Variants in IGSF11 observed in about 807,000 individuals in gnomAD.
The protein encoded by IGSF11 is CXADR like 1.
Under a neutral mutation model 41.0 loss-of-function variants are expected in IGSF11, and 22 were observed. That is an observed-to-expected ratio of 0.54 (90% CI 0.38 to 0.77). The LOEUF (loss-of-function observed/expected upper bound fraction) is 0.77. IGSF11 is among the 30% of genes least tolerant of loss of function. The probability of loss-of-function intolerance (pLI) is 0.00; values close to 1 mark genes in which losing one functional copy is unlikely to be tolerated. For synonymous variants in IGSF11, 219 were observed against 201.3 expected (o/e 1.09, Z -0.74); for missense variants, 444 against 530.8 (o/e 0.84, Z 1.61).
At chr3:118,921,411 G>A (rs1300201369) in intron 4 of IGSF11, among the ~76,000 whole-genome samples, 1 of 151,940 alleles carries the variant, frequency 6.6e-6, no homozygotes, top group Non-Finnish European at 1.5e-5. Context: ...TAAAAATAGA[G>A]GAAAGGCACA....
chr3:118,935,575 CA>C (rs926426726), intron 1 of IGSF11, among the ~76,000 whole-genome samples: 1 of 151,564 alleles, frequency 6.6e-6, no homozygotes, highest in African/African-American at 2.4e-5. Flanking sequence ...ATAAATGAGT[CA>C]GGGGTGAAAG....
chr3:119,038,693 A>C (rs1043942597), upstream of IGSF11, among the ~76,000 whole-genome samples: 1 of 152,188 alleles, frequency 6.6e-6, no homozygotes, highest in African/African-American at 2.4e-5. Flanking sequence ...CATTTTTATA[A>C]GGAATATAAT....
At chr3:118,967,734 TTGAA>T (rs1347576336) in intron 1 of IGSF11, among the ~76,000 whole-genome samples, 1 of 152,234 alleles carries the variant, frequency 6.6e-6, no homozygotes, top group African/African-American at 2.4e-5. Context: ...TCTGCACTTA[TTGAA>T]ACATGTCAAG....
chr3:119,005,453 G>A (rs1263158293), intron 1 of IGSF11, among the ~76,000 whole-genome samples: 2 of 150,552 alleles, frequency 1.3e-5, no homozygotes, highest in African/African-American at 2.5e-5. Context: ...GGAGCATTTA[G>A]TCCATTTACA....
chr3:118,927,012 G>A (rs750351751), intron 3 of IGSF11, among the ~76,000 whole-genome samples: 18 of 152,000 alleles, frequency 1.2e-4, no homozygotes, highest in Non-Finnish European at 2.1e-4. Context: ...TGACTTTTCA[G>A]TAAATATGTT....
In IGSF11 at chr3:118,900,738, T is replaced by C. The variant is rs879173845; in HGVS notation, c.*1782A>G. The C allele has an allele frequency of 2.0e-5, 3 of 152,630 alleles. No homozygotes were observed. The highest frequency in any genetic ancestry group is 2.1e-4 in the South Asian group (1 of 4,832). 9.5% of individuals were successfully genotyped at this position (152,630 alleles called of 1,614,324 possible). A position where few individuals can be genotyped will look rare whatever the true frequency, so the allele number is the denominator to read the frequency against. On this transcript the variant is annotated 3_prime_UTR_variant, in exon 7 of 7. Coordinates refer to ENST00000393775, the MANE Select transcript of IGSF11 (RefSeq NM_001015887.3). ...TGATAGCATCATCTTTTCAGTGTCATGGTATTTTCACTTTTCTTTATAAAA... is the reference window on the plus strand; with the variant it reads ...TGATAGCATCATCTTTTCAGTGTCACGGTATTTTCACTTTTCTTTATAAAA...
chr3:118,930,058 C>T, intron 2 of IGSF11, 54 bp downstream of exon 2: 3 of 1,538,116 alleles, frequency 2.0e-6, no homozygotes, highest in South Asian at 1.2e-5. Flanking sequence ...TCCCTACCAA[C>T]CTCCTCTGAA....
At position 118,909,765 on chromosome 3, in the gene IGSF11, T is replaced by C. The variant is rs185998709; in HGVS notation, c.581-4047A>G. 1.2e-4 allele frequency among the ~76,000 whole-genome samples: 18 copies of C among 152,378 alleles called. No homozygotes were observed. The East Asian group carries it at 3.5e-3, about 29-fold the overall frequency. On this transcript the variant is annotated intron_variant, in intron 4 of 6. Coordinates refer to ENST00000393775, the MANE Select transcript of IGSF11 (RefSeq NM_001015887.3). ...GGTTTGGCATTGAAACAGATATTGC[T>C]TTTGCCAAATCAGATTTTAGATTCA...
intron 1 of IGSF11, among the ~76,000 whole-genome samples, chr3:118,951,942 G>A (rs952548581): frequency 2.6e-5 from 4 of 151,824 alleles, no homozygotes; most frequent in African/African-American, 9.7e-5. Flanking sequence ...CACAAATATG[G>A]AGGACTGACT....
At chr3:119,003,485 C>T (rs1937122986) in intron 1 of IGSF11, among the ~76,000 whole-genome samples, 1 of 150,896 alleles carries the variant, frequency 6.6e-6, no homozygotes, top group African/African-American at 2.5e-5. Context: ...TGCCTGATTG[C>T]CCTGGCCAGA....
At chr3:118,918,795 C>T (rs1337773589) in intron 4 of IGSF11, among the ~76,000 whole-genome samples, 22 of 142,022 alleles carry the variant, frequency 1.5e-4, no homozygotes, top group South Asian at 7.4e-4. Context: ...GAGCCCGCAT[C>T]GCCAAGTCAA....
chr3:119,113,008 G>A (rs975892501), intron 1 of IGSF11, among the ~76,000 whole-genome samples: 1 of 152,134 alleles, frequency 6.6e-6, no homozygotes, highest in Non-Finnish European at 1.5e-5. Flanking sequence ...AGGGGGAGGT[G>A]CTACACACTT....
At chr3:118,961,704 A>G (rs1400990255) in intron 1 of IGSF11, among the ~76,000 whole-genome samples, 1 of 152,212 alleles carries the variant, frequency 6.6e-6, no homozygotes, top group Non-Finnish European at 1.5e-5. Flanking sequence ...TTCAGACAAT[A>G]ATAGGGTGCA....
At chr3:119,044,816 C>T (rs951033371) in intron 1 of IGSF11, among the ~76,000 whole-genome samples, 10 of 152,202 alleles carry the variant, frequency 6.6e-5, no homozygotes, top group East Asian at 3.9e-4. Flanking sequence ...GCTTCATAAA[C>T]GAAGGAGAGA....
intron 1 of IGSF11, among the ~76,000 whole-genome samples, chr3:119,044,016 C>T (rs1941221309): frequency 6.6e-6 from 1 of 152,102 alleles, no homozygotes; most frequent in South Asian, 2.1e-4. Flanking sequence ...ATTAACACCC[C>T]CAAAAGATCA....
At chr3:119,123,091 C>T (rs35726529) in intron 1 of IGSF11, among the ~76,000 whole-genome samples, 17,588 of 152,124 alleles carry the variant, frequency 0.12, 1,145 homozygotes, top group East Asian at 0.23. Flanking sequence ...ATTTCTAAAC[C>T]CATGCTGGGC....
intron 1 of IGSF11, among the ~76,000 whole-genome samples, chr3:119,041,361 CACCTGAGGTCAAGAGTTTGAG>C (rs1941113036): frequency 1.3e-5 from 2 of 152,152 alleles, no homozygotes; most frequent in Admixed American, 1.3e-4. Context: ...GCAGGTGGAT[CACCTGAGGTCAAGAGTTTGAG>C]ACCAGCCTGG....
intron 1 of IGSF11, among the ~76,000 whole-genome samples, chr3:118,995,290 C>T (rs961626699): frequency 3.9e-5 from 6 of 152,154 alleles, no homozygotes; most frequent in East Asian, 1.9e-4. Flanking sequence ...TAACCCGAGA[C>T]GAAAGAAAGC....
chr3:118,930,086 G>C (rs775921490), intron 2 of IGSF11, 26 bp downstream of exon 2: 39 of 1,599,430 alleles, frequency 2.4e-5, no homozygotes, highest in Non-Finnish European at 3.2e-5. Flanking sequence ...ACCTTTTAGA[G>C]GTAGCACAGG....
Sources: allele counts gnomAD v4.1 joint callset (sites outside exome capture counted in the v4.1 genomes callset), GRCh38; gene constraint gnomAD v4.1.1; transcripts MANE v1.5; gene names NCBI Gene and HGNC (gene_info 2026-07-23, HGNC 2026-07-21).